DPP6: variants seen among roughly 807,000 people sequenced by gnomAD.
DPP6 encodes the protein dipeptidyl peptidase like 6, also known as A-type potassium channel modulatory protein DPP6.
In DPP6, 69 loss-of-function variants were observed where a neutral mutation model predicts 122.6. That is an observed-to-expected ratio of 0.56 (90% CI 0.46 to 0.69). DPP6 has a LOEUF of 0.69. DPP6 is among the 30% of genes least tolerant of loss of function. DPP6 has a pLI of 0.00. For synonymous variants in DPP6, 418 were observed against 433.1 expected, an observed-to-expected ratio of 0.97 and a Z score of 0.43; for missense variants, 928 against 1,116.9, an observed-to-expected ratio of 0.83 and a Z score of 2.41.
At chr7:153,983,150 G>A (rs1057101959) in intron 1 of DPP6, among the ~76,000 whole-genome samples, 20 of 152,324 alleles carry the variant, frequency 1.3e-4, no homozygotes, top group African/African-American at 3.4e-4. Context: ...GCCCACAGCC[G>A]CCCCTTCCCA....
At chr7:154,860,044 T>TACC (rs1164523587) in intron 17 of DPP6, among the ~76,000 whole-genome samples, 9 of 152,190 alleles carry the variant, frequency 5.9e-5, no homozygotes, top group African/African-American at 2.2e-4. Context: ...TAGGTTTCTC[T>TACC]ACCTCCTACT....
intron 1 of DPP6, chr7:154,055,862 C>G (rs1171193551): frequency 6.6e-6 from 1 of 152,230 alleles, no homozygotes; most frequent in African/African-American, 2.4e-5. Context: ...GCCTTGGTCA[C>G]TAAGATGATG....
chr7:154,751,841 G>C (rs1008534109), intron 8 of DPP6, among the ~76,000 whole-genome samples: 1 of 152,054 alleles, frequency 6.6e-6, no homozygotes, highest in Non-Finnish European at 1.5e-5. Flanking sequence ...ATGGCCGGTG[G>C]GGGGTCCCTC....
chr7:153,809,286 CTT>C, the DPP6 span, among the ~76,000 whole-genome samples: 113 of 152,052 alleles, frequency 7.4e-4, 1 homozygote, highest in Non-Finnish European at 1.2e-3. Flanking sequence ...TCCTTCTTCT[CTT>C]TGGATATTAA....
intron 1 of DPP6, among the ~76,000 whole-genome samples, chr7:153,923,488 G>A (rs555624549): frequency 4.6e-5 from 7 of 152,206 alleles, no homozygotes; most frequent in South Asian, 4.2e-4. Context: ...TTGGCCCGGC[G>A]TGGTGGCTCA....
intron 5 of DPP6, among the ~76,000 whole-genome samples, chr7:154,573,264 G>A (rs993190580): frequency 2.6e-5 from 4 of 152,162 alleles, no homozygotes; most frequent in Admixed American, 2.6e-4. Context: ...TATCAGAATT[G>A]CAGGGAGCTC....
chr7:154,399,121 A>G (rs1295483517), intron 1 of DPP6, among the ~76,000 whole-genome samples: 1 of 152,206 alleles, frequency 6.6e-6, no homozygotes, highest in Non-Finnish European at 1.5e-5. Context: ...AGACCAAAGC[A>G]ACAATGACAA....
chr7:153,978,478 A>G (rs1208120869), intron 1 of DPP6, among the ~76,000 whole-genome samples: 2 of 151,934 alleles, frequency 1.3e-5, no homozygotes, highest in Non-Finnish European at 2.9e-5. Flanking sequence ...AGATTGCAAA[A>G]ATTTTCTCCC....
At chr7:154,305,568 G>C in intron 1 of DPP6, 2 of 1,590,922 alleles carry the variant, frequency 1.3e-6, no homozygotes, top group Non-Finnish European at 1.7e-6. Flanking sequence ...CTGCTTTTGG[G>C]GGTCCGTGTG....
chr7:154,232,372 G>A (rs1338763769), intron 1 of DPP6, among the ~76,000 whole-genome samples: 1 of 152,312 alleles, frequency 6.6e-6, no homozygotes, highest in African/African-American at 2.4e-5. Flanking sequence ...CTCCTCTGGA[G>A]TGATCATCTA....
chr7:154,888,415 A>G (rs1295190512), intron 23 of DPP6, among the ~76,000 whole-genome samples: 1 of 152,196 alleles, frequency 6.6e-6, no homozygotes, highest in East Asian at 1.9e-4. Context: ...ACTGAGGAGC[A>G]GAAGGCCTCT....
At chr7:154,807,214 G>A (rs781069363) in intron 16 of DPP6, 102 bp downstream of exon 16, 2 of 1,480,190 alleles carry the variant, frequency 1.4e-6, no homozygotes, top group Non-Finnish European at 1.8e-6. Flanking sequence ...TGTGGTGGGA[G>A]CACAGCGTAT....
chr7:154,807,989 T>A (rs887440827), intron 16 of DPP6, among the ~76,000 whole-genome samples: 1 of 152,238 alleles, frequency 6.6e-6, no homozygotes, highest in Non-Finnish European at 1.5e-5. Context: ...ATACAAAGGA[T>A]ATTTTTGCTG....
At chr7:154,791,297 C>T (rs1269334765) in intron 10 of DPP6, among the ~76,000 whole-genome samples, 1 of 151,996 alleles carries the variant, frequency 6.6e-6, no homozygotes, top group African/African-American at 2.4e-5. Context: ...AAAGACCTAC[C>T]TGAGACTGGG....
At chr7:154,537,840 A>G (rs1468204687) in intron 3 of DPP6, among the ~76,000 whole-genome samples, 1 of 152,154 alleles carries the variant, frequency 6.6e-6, no homozygotes, top group Non-Finnish European at 1.5e-5. Flanking sequence ...AAAGATGTAA[A>G]GAAGAATATT....
chr7:154,623,565 GCACACACACACGCA>G (rs1563025218), intron 5 of DPP6, among the ~76,000 whole-genome samples: 1 of 148,976 alleles, frequency 6.7e-6, no homozygotes, highest in Non-Finnish European at 1.5e-5. Flanking sequence ...CACGCAACAC[GCACACACACACGCA>G]CGCACACGCG....
chr7:154,722,265 A>T (rs1051711331), intron 7 of DPP6, among the ~76,000 whole-genome samples: 2 of 152,252 alleles, frequency 1.3e-5, no homozygotes, highest in African/African-American at 4.8e-5. Context: ...ACTGAGGCAG[A>T]TAACAGTCCA....
intron 1 of DPP6, among the ~76,000 whole-genome samples, chr7:154,284,853 T>G (rs1435569601): frequency 6.6e-6 from 1 of 152,110 alleles, no homozygotes; most frequent in Non-Finnish European, 1.5e-5. Flanking sequence ...AGACTTCATC[T>G]CAAAACAAAA....
At chr7:154,462,456 T>C (rs1018442968) in intron 2 of DPP6, among the ~76,000 whole-genome samples, 28 of 152,282 alleles carry the variant, frequency 1.8e-4, no homozygotes, top group African/African-American at 6.7e-4. Context: ...TTAGATAGTA[T>C]GGAAATTTTA....
Sources: allele counts gnomAD v4.1 joint callset (sites outside exome capture counted in the v4.1 genomes callset), GRCh38; gene constraint gnomAD v4.1.1; transcripts MANE v1.5; gene names NCBI Gene and HGNC (gene_info 2026-07-23, HGNC 2026-07-21).